Variants in BLK observed in about 807,000 individuals in gnomAD.
The protein encoded by BLK is tyrosine-protein kinase Blk.
In BLK, 64 loss-of-function variants were observed where a neutral mutation model predicts 61.8. The observed-to-expected ratio is 1.03, with a 90% CI of 0.85 to 1.27. BLK has a LOEUF of 1.27. Ranked by LOEUF, BLK falls within the 50% of genes most tolerant of loss-of-function variation. The pLI is 0.00. For synonymous variants in BLK, 351 were observed against 272.0 expected, an observed-to-expected ratio of 1.29 and a Z score of -2.86; for missense variants, 853 against 660.5, an observed-to-expected ratio of 1.29 and a Z score of -3.19.
chr8:11,495,175 T>G (rs1045670203), intron 1 of BLK, among the ~76,000 whole-genome samples: 1 of 152,218 alleles, frequency 6.6e-6, no homozygotes, highest in Non-Finnish European at 1.5e-5. Context: ...AAGGAAAGCA[T>G]AGTTGATCAC....
At chr8:11,530,158 A>G (rs1349414144) in intron 1 of BLK, among the ~76,000 whole-genome samples, 1 of 152,164 alleles carries the variant, frequency 6.6e-6, no homozygotes, top group African/African-American at 2.4e-5. Flanking sequence ...TTTTTTTCTA[A>G]CTGGCTTTGC....
rs371418729 is a variant in BLK, at chr8:11,550,282, C to T, written c.472+20C>T. The T allele has an allele frequency of 2.5e-5, 41 of 1,611,150 alleles. No homozygotes were observed. In the African/African-American group the frequency reaches 4.9e-4, roughly 19 times the overall value. ...ACAAAGGTAGGCTTGGTGGCTTTGC[C>T]TGCCTTCCTTGCCCTGCTCCTCCCG... is the stretch of plus-strand genomic sequence containing the variant. On this transcript the variant is annotated intron_variant, in intron 6 of 12. Transcript: ENST00000259089.
intron 2 of BLK, among the ~76,000 whole-genome samples, 178 bp downstream of exon 2, chr8:11,543,525 C>A (rs1035241945): frequency 6.6e-6 from 1 of 152,130 alleles, no homozygotes; most frequent in Admixed American, 6.6e-5. Context: ...TGGTTAGCTC[C>A]CAATAATTCT....
rs3816669 is a variant in BLK, at chr8:11,554,564, G to A, written c.473-179G>A. Among the ~76,000 whole-genome samples, 166 of 152,284 alleles carry A rather than the reference G, an allele frequency of 1.1e-3. 6 individuals are homozygous for A. In the East Asian group the frequency reaches 0.025, roughly 23 times the overall value. On this transcript the variant is annotated intron_variant, in intron 6 of 12. Coordinates refer to ENST00000259089, the MANE Select transcript of BLK (RefSeq NM_001715.3). ...GTCAGAGTCAGATGGAACTTACAGGGGAGGCTTCCAAAAGCATGGAGGTTG... is the reference window on the plus strand; with the variant it reads ...GTCAGAGTCAGATGGAACTTACAGGAGAGGCTTCCAAAAGCATGGAGGTTG...
chr8:11,496,840 C>T (rs1459603766), intron 1 of BLK, among the ~76,000 whole-genome samples: 2 of 152,172 alleles, frequency 1.3e-5, no homozygotes, highest in African/African-American at 4.8e-5. Context: ...ACAGCCCTTC[C>T]TCGAGAGTAA....
chr8:11,512,392 C>T (rs1585334105), intron 1 of BLK, among the ~76,000 whole-genome samples: 1 of 152,174 alleles, frequency 6.6e-6, no homozygotes, highest in South Asian at 2.1e-4. Flanking sequence ...TAAACCCCAC[C>T]CTGAAATCAC....
chr8:11,538,060 A>G (rs1469177077), intron 1 of BLK, among the ~76,000 whole-genome samples: 1 of 152,144 alleles, frequency 6.6e-6, no homozygotes, highest in Non-Finnish European at 1.5e-5. Context: ...ATGCATATAC[A>G]CGTGCACACA....
chr8:11,556,027 CCTCCCTTACCTGGGGCTGGTCCATGAGTG>C lies in BLK; in HGVS notation c.772+562_773-584del, dbSNP rs553939042. Reference sequence around the variant, plus strand: ...TTTATCCCTGGATTGGTCCATGAGTCCTCCCTTACCTGGGGCTGGTCCATGAGTGCTCCCTTACCTGGGGCTGATGCCCA... The same window carrying C: ...TTTATCCCTGGATTGGTCCATGAGTCCTCCCTTACCTGGGGCTGATGCCCA... On this transcript the variant is annotated intron_variant, in intron 8 of 12. Transcript: ENST00000259089. The C allele has an allele frequency of 9.6e-3, 2,442 of 254,084 alleles. 30 individuals are homozygous for C. The highest frequency in any genetic ancestry group is 0.028 in the Middle Eastern group (19 of 688). 15.7% of individuals were successfully genotyped at this position (254,084 alleles called of 1,614,324 possible).
chr8:11,501,446 C>G (rs1210438590), intron 1 of BLK, among the ~76,000 whole-genome samples: 1 of 151,678 alleles, frequency 6.6e-6, no homozygotes, highest in Non-Finnish European at 1.5e-5. Flanking sequence ...CTCTCTGGCA[C>G]CTGCCAGCAC....
rs371256341 is a variant in BLK, at chr8:11,549,055, G to A, written c.301G>A (p.Val101Ile). Reference protein sequence around the residue: ...TGDWWLARSLVTGREGYVPSN... With the variant: ...TGDWWLARSLITGREGYVPSN... ...AGACTGGTGGCTGGCCAGGTCACTC[G>A]TCACAGGAAGAGAAGGCTATGTGCC... Residue 101 changes from valine to isoleucine, a missense_variant, in exon 5 of 13, where the codon GTC (valine) becomes ATC (isoleucine). Val to Ile is a conservative substitution (Grantham distance 29). Coordinates refer to ENST00000259089, the MANE Select transcript of BLK (RefSeq NM_001715.3). The A allele has an allele frequency of 3.4e-5, 54 of 1,611,064 alleles. No individual in the cohort carries two copies. Among genetic ancestry groups the A allele is most frequent in the Middle Eastern group, 1.6e-4 (1 of 6,080 alleles).
At chr8:11,529,378 G>C (rs1291333997) in intron 1 of BLK, among the ~76,000 whole-genome samples, 1 of 152,058 alleles carries the variant, frequency 6.6e-6, no homozygotes, top group Non-Finnish European at 1.5e-5. Flanking sequence ...TGATTGGTTG[G>C]GTCAGAGATG....
intron 1 of BLK, among the ~76,000 whole-genome samples, chr8:11,514,471 A>G (rs1404203114): frequency 6.6e-6 from 1 of 152,222 alleles, no homozygotes; most frequent in African/African-American, 2.4e-5. Flanking sequence ...AGGTCTCAGA[A>G]GCCTTGTAAG....
At chr8:11,561,238 G>C (rs772087915) in intron 10 of BLK, 64 bp from the exon 11 acceptor site, 2 of 1,576,652 alleles carry the variant, frequency 1.3e-6, no homozygotes, top group Non-Finnish European at 1.7e-6. Flanking sequence ...GGGGGACACA[G>C]TGTGGGCTCG....
In BLK at chr8:11,543,489, C is replaced by T. The variant is rs1157091890; in HGVS notation, c.123+142C>T. The T allele has an allele frequency of 1.2e-5, 14 of 1,204,936 alleles. No individual in the cohort carries two copies. In the Admixed American group the frequency reaches 2.4e-4, roughly 20 times the overall value. The allele number at this position is 1,204,936 out of a possible 1,614,324, so 74.6% of individuals were successfully genotyped here. On this transcript the variant is annotated intron_variant, in intron 2 of 12. Transcript: ENST00000259089. ...GCAATGTATAAGCAGGTGTGCCATGCAATATAACACGCACAGGACCCGGCC... is the reference window on the plus strand; with the variant it reads ...GCAATGTATAAGCAGGTGTGCCATGTAATATAACACGCACAGGACCCGGCC...
At position 11,517,334 on chromosome 8, in the gene BLK, C is replaced by T. The variant is rs539996167; in HGVS notation, c.-2+22743C>T. Among the ~76,000 whole-genome samples, 5 of 152,262 alleles carry T rather than the reference C, an allele frequency of 3.3e-5. No individual in the cohort carries two copies. In the South Asian group the frequency reaches 8.3e-4, roughly 25 times the overall value. On this transcript the variant is annotated intron_variant, in intron 1 of 12. Coordinates refer to ENST00000259089, the MANE Select transcript of BLK (RefSeq NM_001715.3). ...CATGAGGAAGAGAAGATGGAGCTGC[C>T]ATTCACAGCGATGGAAATTGACCAG...
chr8:11,502,565 G>T (rs749240788), intron 1 of BLK, among the ~76,000 whole-genome samples: 1 of 152,188 alleles, frequency 6.6e-6, no homozygotes, highest in African/African-American at 2.4e-5. Context: ...TGGGATTACA[G>T]ACATGAGCCA....
chr8:11,548,889 C>A, intron 4 of BLK, 135 bp from the exon 5 acceptor site: 1 of 824,776 alleles, frequency 1.2e-6, no homozygotes, highest in Non-Finnish European at 2.1e-6. Context: ...CAAGCCCCTT[C>A]CTGCCTGCCG....
chr8:11,516,422 C>G (rs1563431691), intron 1 of BLK, among the ~76,000 whole-genome samples: 1 of 152,198 alleles, frequency 6.6e-6, no homozygotes, highest in Non-Finnish European at 1.5e-5. Flanking sequence ...AGAAAGTTCA[C>G]CGCCCTATTG....
chr8:11,516,386 G>T (rs574518939), intron 1 of BLK, among the ~76,000 whole-genome samples: 2 of 152,134 alleles, frequency 1.3e-5, no homozygotes, highest in Non-Finnish European at 2.9e-5. Flanking sequence ...TGGGTCTCAC[G>T]ACCGCCCTTC....
Sources: allele counts gnomAD v4.1 joint callset (sites outside exome capture counted in the v4.1 genomes callset), GRCh38; gene constraint gnomAD v4.1.1; transcripts MANE v1.5; gene names NCBI Gene and HGNC (gene_info 2026-07-23, HGNC 2026-07-21).